The following STAC variants were observed in gnomAD, a reference collection of about 807,000 sequenced individuals.
STAC encodes SH3 and cysteine-rich domain-containing protein.
A neutral mutation model predicts 48.8 loss-of-function variants in STAC; 43 were observed. The ratio of observed to expected loss-of-function variants is 0.88; its 90% CI spans 0.69 to 1.14. STAC has a LOEUF of 1.14. Ranked by LOEUF, STAC falls within the 50% of genes most tolerant of loss-of-function variation. STAC has a pLI of 0.00. For missense variants in STAC, 497 were observed against 504.0 expected, an observed-to-expected ratio of 0.99 and a Z score of 0.13; for synonymous variants, 193 against 179.5, an observed-to-expected ratio of 1.07 and a Z score of -0.60.
At chr3:36,502,328 C>T (rs1698300575) in intron 6 of STAC, among the ~76,000 whole-genome samples, 1 of 152,086 alleles carries the variant, frequency 6.6e-6, no homozygotes, top group African/African-American at 2.4e-5. Context: ...TCGGTAGTTA[C>T]CTTTCTTTTC....
At chr3:36,466,428 T>C (rs1206090908) in intron 2 of STAC, among the ~76,000 whole-genome samples, 1 of 152,190 alleles carries the variant, frequency 6.6e-6, no homozygotes, top group African/African-American at 2.4e-5. Flanking sequence ...TTTTTTCTAG[T>C]TCTGTGAAGA....
intron 2 of STAC, among the ~76,000 whole-genome samples, chr3:36,444,450 C>A (rs1696449765): frequency 6.7e-6 from 1 of 148,284 alleles, no homozygotes. Flanking sequence ...ATTGCATCTT[C>A]TCTCTACTCC....
At chr3:36,471,839 T>C (rs1273922306) in intron 2 of STAC, among the ~76,000 whole-genome samples, 1 of 152,204 alleles carries the variant, frequency 6.6e-6, no homozygotes, top group Non-Finnish European at 1.5e-5. Context: ...TAGGCTGGCA[T>C]TCAGTGTCTG....
intron 1 of STAC, among the ~76,000 whole-genome samples, chr3:36,407,238 C>T (rs752874391): frequency 6.6e-5 from 10 of 152,122 alleles, no homozygotes; most frequent in Non-Finnish European, 1.2e-4. Flanking sequence ...GTTAGTAGTG[C>T]TTGTCTTATC....
At chr3:36,511,003 G>C (rs1381916169) in intron 8 of STAC, among the ~76,000 whole-genome samples, 1 of 150,996 alleles carries the variant, frequency 6.6e-6, no homozygotes, top group African/African-American at 2.4e-5. Context: ...AATTAACATT[G>C]ATAGAAAAAT....
intron 10 of STAC, among the ~76,000 whole-genome samples, chr3:36,545,457 G>A (rs183657981): frequency 1.6e-3 from 247 of 152,230 alleles, no homozygotes; most frequent in South Asian, 2.3e-3. Context: ...CTGTTTCTGG[G>A]GAATCCAACC....
intron 5 of STAC, among the ~76,000 whole-genome samples, chr3:36,488,423 C>T (rs1697874239): frequency 6.6e-6 from 1 of 152,202 alleles, no homozygotes; most frequent in Admixed American, 6.6e-5. Flanking sequence ...CTGTTCTGCT[C>T]AGCCCATCTC....
chr3:36,439,736 T>A (rs1287407872), intron 1 of STAC, among the ~76,000 whole-genome samples: 1 of 152,216 alleles, frequency 6.6e-6, no homozygotes, highest in South Asian at 2.1e-4. Context: ...CTTTGCTGCA[T>A]CCAGGTCCTC....
intron 4 of STAC, 108 bp downstream of exon 4, chr3:36,485,166 T>C: frequency 1.2e-6 from 1 of 847,258 alleles, no homozygotes; most frequent in Non-Finnish European, 1.8e-6. Context: ...TCTGTGTGTT[T>C]GTTTGGTGGC....
intron 1 of STAC, among the ~76,000 whole-genome samples, chr3:36,395,431 G>A (rs181995911): frequency 6.6e-6 from 1 of 152,312 alleles, no homozygotes; most frequent in Admixed American, 6.5e-5. Flanking sequence ...GAATTTCGAT[G>A]ACAAGTAGAA....
At chr3:36,506,208 C>G (rs1698400210) in intron 8 of STAC, 1 of 161,986 alleles carries the variant, frequency 6.2e-6, no homozygotes, top group South Asian at 1.9e-4. Flanking sequence ...AATAGGGAAT[C>G]AAAAAATATA....
chr3:36,409,955 T>A (rs577909462), intron 1 of STAC, among the ~76,000 whole-genome samples: 2 of 152,306 alleles, frequency 1.3e-5, no homozygotes, highest in East Asian at 3.9e-4. Context: ...TTTTATTTTC[T>A]TTTAAAGGTG....
intron 1 of STAC, among the ~76,000 whole-genome samples, chr3:36,440,425 G>A (rs1696311754): frequency 6.6e-6 from 1 of 152,206 alleles, no homozygotes; most frequent in African/African-American, 2.4e-5. Flanking sequence ...CTGCAGGACA[G>A]CAGGGTGGCT....
chr3:36,519,973 A>G (rs1038769626), intron 8 of STAC, among the ~76,000 whole-genome samples: 2 of 152,228 alleles, frequency 1.3e-5, no homozygotes, highest in Non-Finnish European at 2.9e-5. Flanking sequence ...ATTTGCATTA[A>G]TATCAGTTTT....
At chr3:36,386,829 C>T (rs1699626428) in intron 1 of STAC, among the ~76,000 whole-genome samples, 1 of 152,094 alleles carries the variant, frequency 6.6e-6, no homozygotes, top group Admixed American at 6.6e-5. Flanking sequence ...GAGCTTTGCT[C>T]TTCTTTTTCA....
At chr3:36,540,087 C>A (rs916978155) in intron 10 of STAC, among the ~76,000 whole-genome samples, 1 of 150,346 alleles carries the variant, frequency 6.7e-6, no homozygotes, top group African/African-American at 2.4e-5. Flanking sequence ...AAGCCGGGGT[C>A]AGAGAGAGAG....
In STAC at chr3:36,418,185, C is replaced by T. The variant is rs574333278; in HGVS notation, c.112-25179C>T. Among the ~76,000 whole-genome samples the T allele has an allele frequency of 8.6e-5, 13 of 151,590 alleles. No individual in the cohort carries two copies. The East Asian group carries it at 2.5e-3, about 29-fold the overall frequency. On this transcript the variant is annotated intron_variant, in intron 1 of 10. Transcript: ENST00000273183. ...ATTTCTTAGGCCTTCCTTTGTTTTT[C>T]TTTTTATAATTTTTTAGTTGCTTCT...
chr3:36,506,937 C>T (rs1443333093), intron 8 of STAC, among the ~76,000 whole-genome samples: 1 of 152,026 alleles, frequency 6.6e-6, no homozygotes, highest in African/African-American at 2.4e-5. Context: ...GCCTGATTGC[C>T]CTGGCCAGAA....
At chr3:36,527,447 A>G (rs1353902972) in intron 8 of STAC, among the ~76,000 whole-genome samples, 1 of 152,150 alleles carries the variant, frequency 6.6e-6, no homozygotes, top group Non-Finnish European at 1.5e-5. Context: ...ATGTTTTCTG[A>G]AAACTTTTTC....
Sources: gnomAD v4.1 joint callset for allele counts (sites outside exome capture counted in the v4.1 genomes callset) on GRCh38, gnomAD v4.1.1 for gene constraint, MANE v1.5 for transcripts, NCBI Gene and HGNC (gene_info 2026-07-23, HGNC 2026-07-21) for gene names.